CAST: variants seen among roughly 807,000 people sequenced by gnomAD.
CAST encodes the protein calpastatin.
CAST carries 76 observed loss-of-function variants against 119.6 expected under a neutral mutation model. The observed-to-expected ratio is 0.64, with a 90% confidence interval of 0.53 to 0.77. The LOEUF (loss-of-function observed/expected upper bound fraction) is 0.77. CAST is among the 30% of genes least tolerant of loss of function. CAST has a pLI of 0.00. For missense variants in CAST, 953 were observed against 946.5 expected (o/e 1.01, Z -0.09); for synonymous variants, 319 against 331.6 (o/e 0.96, Z 0.41).
chr5:96,042,370 A>T, the CAST span, among the ~76,000 whole-genome samples: 1 of 152,192 alleles, frequency 6.6e-6, no homozygotes, highest in African/African-American at 2.4e-5. Flanking sequence ...GAACAAAACA[A>T]TGTATTGTCC....
At chr5:96,052,780 A>T in the CAST span, among the ~76,000 whole-genome samples, 2 of 152,344 alleles carry the variant, frequency 1.3e-5, no homozygotes, top group South Asian at 4.1e-4. Context: ...CAAGTGTGAC[A>T]TGTGATTAGG....
At chr5:96,500,089 CA>C in the CAST span, among the ~76,000 whole-genome samples, 1,369 of 151,974 alleles carry the variant, frequency 9.0e-3, 30 homozygotes, top group African/African-American at 0.03. Context: ...TGTGGCCCCC[CA>C]AAAAAATTAC....
chr5:96,171,329 A>G, the CAST span, among the ~76,000 whole-genome samples: 1 of 152,170 alleles, frequency 6.6e-6, no homozygotes, highest in Non-Finnish European at 1.5e-5. Flanking sequence ...AGAGGTTTTA[A>G]GTTTTTGAGA....
chr5:96,356,208 A>T, the CAST span, among the ~76,000 whole-genome samples: 1 of 152,114 alleles, frequency 6.6e-6, no homozygotes, highest in Non-Finnish European at 1.5e-5. Context: ...AATTTGTTTA[A>T]GTTCCTTGTA....
chr5:96,335,666 C>T, the CAST span, among the ~76,000 whole-genome samples: 1 of 152,212 alleles, frequency 6.6e-6, no homozygotes, highest in Non-Finnish European at 1.5e-5. Flanking sequence ...AAGCTTTAGG[C>T]TCACCAATTC....
chr5:96,544,038 C>A (rs752612664), intron 1 of CAST, among the ~76,000 whole-genome samples: 8 of 152,150 alleles, frequency 5.3e-5, no homozygotes, highest in Non-Finnish European at 1.2e-4. Context: ...GTTGTGTTGG[C>A]TATTCTGGGT....
At chr5:96,721,981 C>G (rs1367467345) in intron 3 of CAST, among the ~76,000 whole-genome samples, 1 of 152,224 alleles carries the variant, frequency 6.6e-6, no homozygotes, top group Non-Finnish European at 1.5e-5. Flanking sequence ...CCTTCTCTTT[C>G]TTACATGACA....
chr5:96,565,364 C>G (rs1322096363), intron 1 of CAST, among the ~76,000 whole-genome samples: 1 of 152,112 alleles, frequency 6.6e-6, no homozygotes, highest in African/African-American at 2.4e-5. Context: ...CTCGAAACAT[C>G]ACATTGTACC....
At chr5:96,399,594 T>C in the CAST span, among the ~76,000 whole-genome samples, 5 of 152,220 alleles carry the variant, frequency 3.3e-5, no homozygotes, top group Non-Finnish European at 7.3e-5. Flanking sequence ...GGTTGGCAAG[T>C]ACTGCATTTC....
chr5:96,190,897 T>C, the CAST span, among the ~76,000 whole-genome samples: 1 of 152,282 alleles, frequency 6.6e-6, no homozygotes, highest in South Asian at 2.1e-4. Flanking sequence ...TCTCCTCTAG[T>C]AGTCCCCAGT....
intron 1 of CAST, among the ~76,000 whole-genome samples, chr5:96,538,882 A>G (rs1365379439): frequency 1.0e-5 from 1 of 99,100 alleles, no homozygotes; most frequent in South Asian, 3.9e-4. Context: ...TCAAAAATCA[A>G]TATCAAATGA....
At chr5:96,361,503 C>A in the CAST span, among the ~76,000 whole-genome samples, 1 of 152,202 alleles carries the variant, frequency 6.6e-6, no homozygotes, top group African/African-American at 2.4e-5. Flanking sequence ...GTTGTGAAGT[C>A]CGTGGGAAAA....
chr5:96,311,638 A>AGTTT, the CAST span, among the ~76,000 whole-genome samples: 24 of 152,058 alleles, frequency 1.6e-4, no homozygotes, highest in African/African-American at 5.3e-4. Context: ...TGAAATCACC[A>AGTTT]GTTTATCATC....
the CAST span, among the ~76,000 whole-genome samples, chr5:96,035,041 GTA>G: frequency 0.011 from 1,177 of 107,862 alleles, 15 homozygotes; most frequent in African/African-American, 0.03. Context: ...TTGTATTTAA[GTA>G]TATATATATA....
At chr5:96,283,879 A>G in the CAST span, among the ~76,000 whole-genome samples, 1 of 152,202 alleles carries the variant, frequency 6.6e-6, no homozygotes, top group African/African-American at 2.4e-5. Flanking sequence ...TTCAGACAGG[A>G]TTTATTTTTA....
intron 3 of CAST, among the ~76,000 whole-genome samples, chr5:96,718,632 G>A (rs532174512): frequency 6.6e-6 from 1 of 152,088 alleles, no homozygotes; most frequent in Non-Finnish European, 1.5e-5. Context: ...AGGGAACCCA[G>A]GGCTCCTAAA....
the CAST span, among the ~76,000 whole-genome samples, chr5:96,185,056 G>GAGAT: frequency 6.6e-6 from 1 of 152,208 alleles, no homozygotes; most frequent in African/African-American, 2.4e-5. Flanking sequence ...TGACTGGCAT[G>GAGAT]AGATAGTATC....
chr5:96,439,034 C>T, the CAST span, among the ~76,000 whole-genome samples: 2 of 152,138 alleles, frequency 1.3e-5, no homozygotes, highest in Non-Finnish European at 2.9e-5. Flanking sequence ...ATGCTATTAA[C>T]CTATCACTTT....
At chr5:96,740,560 C>A (rs1472629013) in intron 12 of CAST, among the ~76,000 whole-genome samples, 185 bp from the exon 13 acceptor site, 1 of 152,096 alleles carries the variant, frequency 6.6e-6, no homozygotes, top group Non-Finnish European at 1.5e-5. Context: ...AATGACCTCA[C>A]CTTTACTTGA....
Sources: gnomAD v4.1 joint callset for allele counts (sites outside exome capture counted in the v4.1 genomes callset) on GRCh38, gnomAD v4.1.1 for gene constraint, MANE v1.5 for transcripts, NCBI Gene and HGNC (gene_info 2026-07-23, HGNC 2026-07-21) for gene names.